Variants in ITSN1 observed in about 807,000 individuals in gnomAD.
ITSN1 encodes intersectin 1, also known as intersectin-1.
ITSN1 carries 58 observed loss-of-function variants against 239.8 expected under a neutral mutation model. That is an observed-to-expected ratio of 0.24 (90% confidence interval 0.20 to 0.30). ITSN1 has a LOEUF of 0.30. Among genes scored for constraint, ITSN1 ranks in the 10% least tolerant of loss-of-function variants. The pLI, the probability that ITSN1 is intolerant of heterozygous loss-of-function variation, is 1.00. For synonymous variants in ITSN1, 780 were observed against 770.8 expected, an observed-to-expected ratio of 1.01 and a Z score of -0.20; for missense variants, 1,558 against 2,103.3, an observed-to-expected ratio of 0.74 and a Z score of 5.07.
chr21:33,727,882 C>G (rs184549105), intron 4 of ITSN1, among the ~76,000 whole-genome samples: 3 of 152,238 alleles, frequency 2.0e-5, no homozygotes, highest in African/African-American at 4.8e-5. Context: ...TGTCATCTCA[C>G]CTGGGCCCAC....
intron 4 of ITSN1, among the ~76,000 whole-genome samples, chr21:33,732,700 A>C (rs903366106): frequency 1.3e-5 from 2 of 152,192 alleles, no homozygotes; most frequent in African/African-American, 4.8e-5. Context: ...TTAGTTTTAA[A>C]ACATTAATAA....
rs2069211774 is a variant in ITSN1 at position 33,772,146 on chromosome 21, G to A, written c.1128G>A (p.Gln376=). 2 of 1,614,236 alleles carry A rather than the reference G, an allele frequency of 1.2e-6. No individual in the cohort carries two copies. The highest frequency in any genetic ancestry group is 1.6e-4 in the Middle Eastern group (1 of 6,062). ...EKRRQALLEQ[Q]RKEQERLAQL... ...GAAGGCAAGCTCTCCTGGAACAGCAGCGCAAGGAGCAGGAGCGCCTGGCCC... is the reference window on the plus strand; with the variant it reads ...GAAGGCAAGCTCTCCTGGAACAGCAACGCAAGGAGCAGGAGCGCCTGGCCC... Residue 376 remains glutamine (Q), a synonymous_variant, in exon 12 of 40, where the codon CAG becomes CAA. Coordinates refer to ENST00000381318, the MANE Select transcript of ITSN1 (RefSeq NM_003024.3).
intron 29 of ITSN1, among the ~76,000 whole-genome samples, chr21:33,848,817 A>G (rs971147490): frequency 6.6e-6 from 1 of 152,100 alleles, no homozygotes; most frequent in Non-Finnish European, 1.5e-5. Context: ...TCCTCCCTCC[A>G]TTTGAATCCC....
At chr21:33,653,234 A>G (rs2088709883) in intron 1 of ITSN1, among the ~76,000 whole-genome samples, 1 of 152,054 alleles carries the variant, frequency 6.6e-6, no homozygotes, top group African/African-American at 2.4e-5. Flanking sequence ...ACTTCAGATG[A>G]TCTGCCCTCC....
At chr21:33,768,442 G>A (rs187941308) in intron 11 of ITSN1, among the ~76,000 whole-genome samples, 22 of 152,056 alleles carry the variant, frequency 1.4e-4, no homozygotes, top group Non-Finnish European at 2.1e-4. Flanking sequence ...CACCACGCCC[G>A]GCTAATTTTT....
intron 34 of ITSN1, among the ~76,000 whole-genome samples, chr21:33,876,065 T>TTCTCCCTTTTTCTTTC (rs1983687182): frequency 2.0e-5 from 1 of 50,224 alleles, no homozygotes; most frequent in Non-Finnish European, 3.5e-5. Flanking sequence ...TTTCTTTCTT[T>TTCTCCCTTTTTCTTTC]CTCTTTCTCC....
intron 29 of ITSN1, among the ~76,000 whole-genome samples, chr21:33,850,484 C>T (rs1262860310): frequency 1.3e-5 from 2 of 152,302 alleles, no homozygotes; most frequent in Middle Eastern, 3.4e-3. Context: ...GACTGATAAC[C>T]GCTTGGAGTG....
chr21:33,726,959 A>G (rs1016421142), intron 4 of ITSN1, among the ~76,000 whole-genome samples: 5 of 152,184 alleles, frequency 3.3e-5, no homozygotes, highest in Non-Finnish European at 5.9e-5. Flanking sequence ...AACCTTTATT[A>G]TGTTTTATTT....
At chr21:33,700,952 T>TGTGTGTGA (rs2091980065) in intron 1 of ITSN1, among the ~76,000 whole-genome samples, 1 of 3,130 alleles carries the variant, frequency 3.2e-4, no homozygotes, top group Non-Finnish European at 7.3e-4. Context: ...TTCTTTTTTC[T>TGTGTGTGA]GTGTGTGTGT....
At chr21:33,727,257 T>C (rs575431766) in intron 4 of ITSN1, among the ~76,000 whole-genome samples, 85 of 152,096 alleles carry the variant, frequency 5.6e-4, no homozygotes, top group African/African-American at 1.9e-3. Flanking sequence ...TTTGCTATGA[T>C]GTGGAGGGGA....
chr21:33,740,694 T>G (rs2066792645), intron 5 of ITSN1, among the ~76,000 whole-genome samples: 1 of 152,168 alleles, frequency 6.6e-6, no homozygotes, highest in East Asian at 1.9e-4. Flanking sequence ...CTGGTAGATG[T>G]ATTTATTTAG....
rs1475034661 is a variant in ITSN1 at position 33,888,347 on chromosome 21, A to G, written c.*47A>G. The stretch of plus-strand genomic sequence containing the variant: ...CAGCAGGGTCCCAGCCCACGGCCAC[A>G]CATGCTGTCTGGAAATTGTATTCCT... On this transcript the variant is annotated 3_prime_UTR_variant, in exon 40 of 40. Transcript: ENST00000381318. 3 of 1,546,198 alleles carry G rather than the reference A, an allele frequency of 1.9e-6. No individual in the cohort carries two copies. The East Asian group carries it at 7.1e-5, about 36-fold the overall frequency.
chr21:33,795,191 C>T (rs927872703), intron 17 of ITSN1, among the ~76,000 whole-genome samples: 1 of 152,212 alleles, frequency 6.6e-6, no homozygotes, highest in Non-Finnish European at 1.5e-5. Flanking sequence ...TGGCTCACAC[C>T]TGTAATCCCA....
chr21:33,825,408 A>G (rs1014347507), intron 25 of ITSN1, among the ~76,000 whole-genome samples: 4 of 152,138 alleles, frequency 2.6e-5, no homozygotes, highest in Admixed American at 1.3e-4. Context: ...ATCCGACCCA[A>G]CCTAACACCA....
chr21:33,760,325 G>A (rs1377826960), intron 8 of ITSN1, among the ~76,000 whole-genome samples: 1 of 152,122 alleles, frequency 6.6e-6, no homozygotes. Flanking sequence ...GCAAATAGGG[G>A]CATCTGGGGT....
chr21:33,694,246 CA>C (rs1261706920), intron 1 of ITSN1, among the ~76,000 whole-genome samples: 3 of 152,188 alleles, frequency 2.0e-5, no homozygotes, highest in Non-Finnish European at 4.4e-5. Context: ...AGGCTAGTGT[CA>C]AACTCCTGGG....
intron 21 of ITSN1, among the ~76,000 whole-genome samples, chr21:33,812,537 C>A (rs1318487519): frequency 6.6e-6 from 1 of 152,164 alleles, no homozygotes; most frequent in Non-Finnish European, 1.5e-5. Flanking sequence ...CTCACTTCAT[C>A]ACCCAGGCTG....
chr21:33,812,642 G>A (rs2072993138), intron 21 of ITSN1, among the ~76,000 whole-genome samples: 1 of 152,030 alleles, frequency 6.6e-6, no homozygotes, highest in South Asian at 2.1e-4. Context: ...GGGCCTACAG[G>A]TGCATGCCAC....
intron 1 of ITSN1, among the ~76,000 whole-genome samples, chr21:33,665,215 G>T (rs1008927064): frequency 7.0e-6 from 1 of 141,914 alleles, no homozygotes; most frequent in Non-Finnish European, 1.6e-5. Flanking sequence ...GTGAGCCAAG[G>T]CCGCACCATT....
Sources: gnomAD v4.1 joint callset for allele counts (sites outside exome capture counted in the v4.1 genomes callset) on GRCh38, gnomAD v4.1.1 for gene constraint, MANE v1.5 for transcripts, NCBI Gene and HGNC (gene_info 2026-07-23, HGNC 2026-07-21) for gene names.